PTPRD: variants seen among roughly 807,000 people sequenced by gnomAD.
PTPRD encodes protein tyrosine phosphatase receptor type D.
Under a neutral mutation model 214.5 loss-of-function variants are expected in PTPRD, and 34 were observed. The observed-to-expected ratio is 0.16, with a 90% CI of 0.12 to 0.21. PTPRD has a LOEUF of 0.21. Ranked by LOEUF, PTPRD falls within the 10% of genes least tolerant of loss-of-function variation. The pLI is 1.00. For synonymous variants in PTPRD, 1,128 were observed against 845.7 expected (o/e 1.33, Z -5.79); for missense variants, 2,545 against 2,398.7 (o/e 1.06, Z -1.27).
intron 3 of PTPRD, among the ~76,000 whole-genome samples, chr9:10,145,505 C>G (rs2099016111): frequency 1.3e-5 from 2 of 152,096 alleles, no homozygotes; most frequent in Admixed American, 6.6e-5. Flanking sequence ...TTTCTGTTCT[C>G]TACCTTACTT....
intron 2 of PTPRD, among the ~76,000 whole-genome samples, chr9:10,566,770 G>A (rs1344091270): frequency 6.6e-6 from 1 of 151,886 alleles, no homozygotes; most frequent in African/African-American, 2.4e-5. Context: ...GAGTCATGAA[G>A]ATACTCTCAT....
At chr9:9,561,791 C>T (rs1488958184) in intron 8 of PTPRD, among the ~76,000 whole-genome samples, 1 of 152,138 alleles carries the variant, frequency 6.6e-6, no homozygotes, top group Non-Finnish European at 1.5e-5. Context: ...TTTTCTTTCT[C>T]TTTCTATCTA....
chr9:8,828,940 A>T (rs1432722528), intron 11 of PTPRD, among the ~76,000 whole-genome samples: 2 of 152,152 alleles, frequency 1.3e-5, no homozygotes. Context: ...GTGTTCCATA[A>T]AATGCAGTAC....
intron 2 of PTPRD, among the ~76,000 whole-genome samples, chr9:10,523,425 C>G (rs1281348656): frequency 6.6e-6 from 1 of 151,604 alleles, no homozygotes; most frequent in Non-Finnish European, 1.5e-5. Flanking sequence ...AAGTCTCCTA[C>G]TGTTCCCACT....
chr9:10,597,972 G>A (rs572639041), intron 2 of PTPRD, among the ~76,000 whole-genome samples: 3 of 151,868 alleles, frequency 2.0e-5, no homozygotes, highest in African/African-American at 7.2e-5. Context: ...GACGGCTAAT[G>A]CATTCTTGAT....
intron 2 of PTPRD, among the ~76,000 whole-genome samples, chr9:10,492,157 G>A (rs1229397078): frequency 6.6e-6 from 1 of 152,110 alleles, no homozygotes; most frequent in Non-Finnish European, 1.5e-5. Context: ...ACTAGGAACA[G>A]CGCCACAATA....
chr9:10,252,965 G>T (rs2092923189), intron 3 of PTPRD, among the ~76,000 whole-genome samples: 1 of 152,100 alleles, frequency 6.6e-6, no homozygotes, highest in East Asian at 1.9e-4. Context: ...TATATTTTTA[G>T]TAGAGATGAG....
At chr9:8,356,706 T>G (rs907509003) in intron 39 of PTPRD, among the ~76,000 whole-genome samples, 1 of 152,214 alleles carries the variant, frequency 6.6e-6, no homozygotes, top group African/African-American at 2.4e-5. Flanking sequence ...TAGAACTTAA[T>G]TGCTCTTCTA....
chr9:8,718,614 A>G (rs2098461100), intron 12 of PTPRD, among the ~76,000 whole-genome samples: 1 of 152,166 alleles, frequency 6.6e-6, no homozygotes, highest in Non-Finnish European at 1.5e-5. Flanking sequence ...CTTCATATTA[A>G]GCCAAGAGTT....
intron 7 of PTPRD, among the ~76,000 whole-genome samples, chr9:9,668,869 G>A (rs12378124): frequency 0.13 from 19,509 of 152,018 alleles, 1,555 homozygotes; most frequent in African/African-American, 0.22. Context: ...ACTGCACTCC[G>A]TGAGGCAGAG....
In PTPRD at chr9:10,060,869, T is replaced by TTTCCTTCC. The variant is rs761292264; in HGVS notation, c.-544-27087_-544-27080dup. ...CTTTCCTTTCTTTCTTCCTTCCTTC[T>TTTCCTTCC]TTCCTTCCTTCCTTCCTTCCTTCCT... On this transcript the variant is annotated intron_variant, in intron 3 of 45. Transcript: ENST00000381196. Among the ~76,000 whole-genome samples the TTTCCTTCC allele has an allele frequency of 3.5e-3, 293 of 83,436 alleles. 16 individuals are homozygous for TTTCCTTCC. The highest frequency in any genetic ancestry group is 8.3e-3 in the East Asian group (24 of 2,898). The allele number at this position is 83,436 out of a possible 152,430, so 54.7% of individuals were successfully genotyped here. A position where few individuals can be genotyped will look rare whatever the true frequency, so the allele number is the denominator to read the frequency against.
chr9:9,220,854 C>A (rs1324736854), intron 9 of PTPRD, among the ~76,000 whole-genome samples: 5 of 152,028 alleles, frequency 3.3e-5, no homozygotes, highest in African/African-American at 1.2e-4. Flanking sequence ...TAATAGATCC[C>A]TCCAGCTTTT....
rs116152757 is a variant in PTPRD, at chr9:9,802,102, T to C, written c.-367-35251A>G. 8.1e-3 allele frequency among the ~76,000 whole-genome samples: 1,231 copies of C among 152,180 alleles called. 18 individuals carry two copies. The highest frequency in any genetic ancestry group is 0.028 in the African/African-American group (1,165 of 41,552). The stretch of plus-strand genomic sequence containing the variant: ...ATTGCGACTCAAGTTGCTTAAGGTT[T>C]ATTAGAATATTGTGTTTCATCTCCT... On this transcript the variant is annotated intron_variant, in intron 5 of 45. Coordinates refer to ENST00000381196, the MANE Select transcript of PTPRD (RefSeq NM_002839.4).
chr9:10,077,543 C>A (rs980508241), intron 3 of PTPRD, among the ~76,000 whole-genome samples: 1 of 152,050 alleles, frequency 6.6e-6, no homozygotes, highest in Non-Finnish European at 1.5e-5. Flanking sequence ...GTTTATTATA[C>A]AGATAAGTTG....
intron 35 of PTPRD, among the ~76,000 whole-genome samples, chr9:8,435,845 A>G (rs976252221): frequency 1.3e-5 from 2 of 152,176 alleles, no homozygotes; most frequent in Admixed American, 6.5e-5. Flanking sequence ...CTTCAAAAAC[A>G]AGCAACTCTC....
chr9:10,484,842 G>A (rs1000649189), intron 2 of PTPRD, among the ~76,000 whole-genome samples: 2 of 151,024 alleles, frequency 1.3e-5, no homozygotes, highest in Non-Finnish European at 3.0e-5. Flanking sequence ...TTTTTCCTTT[G>A]CTGTGCAGAA....
At chr9:10,048,386 T>G (rs948968499) in intron 3 of PTPRD, among the ~76,000 whole-genome samples, 20 of 152,156 alleles carry the variant, frequency 1.3e-4, no homozygotes, top group African/African-American at 4.6e-4. Context: ...GATTTCATGG[T>G]GACCTTCAAC....
chr9:9,262,595 G>GT (rs2099980617), intron 9 of PTPRD, among the ~76,000 whole-genome samples: 1 of 150,960 alleles, frequency 6.6e-6, no homozygotes, highest in South Asian at 2.1e-4. Context: ...ATATAAATGA[G>GT]TAAAAAAAAA....
intron 9 of PTPRD, among the ~76,000 whole-genome samples, chr9:9,256,942 G>GA (rs1438088672): frequency 6.6e-6 from 1 of 151,886 alleles, no homozygotes; most frequent in Non-Finnish European, 1.5e-5. Flanking sequence ...ACCATCCCCA[G>GA]AAAAAGAAAA....
Sources: allele counts gnomAD v4.1 joint callset (sites outside exome capture counted in the v4.1 genomes callset), GRCh38; gene constraint gnomAD v4.1.1; transcripts MANE v1.5; gene names NCBI Gene and HGNC (gene_info 2026-07-23, HGNC 2026-07-21).